Variants in SLC6A11 observed in about 807,000 individuals in gnomAD.
SLC6A11 encodes the protein solute carrier family 6 member 11.
Under a neutral mutation model 74.8 loss-of-function variants are expected in SLC6A11, and 25 were observed. That is an observed-to-expected ratio of 0.33 (90% CI 0.24 to 0.47). The LOEUF is 0.47. Ranked by LOEUF, SLC6A11 falls within the 20% of genes least tolerant of loss-of-function variation. SLC6A11 has a pLI of 1.00. For missense variants in SLC6A11, 574 were observed against 837.0 expected (o/e 0.69, Z 3.88); for synonymous variants, 330 against 330.2 (o/e 1.00, Z 0.01).
At chr3:10,927,772 G>A (rs965499813) in intron 9 of SLC6A11, among the ~76,000 whole-genome samples, 6 of 152,220 alleles carry the variant, frequency 3.9e-5, no homozygotes, top group Non-Finnish European at 7.3e-5. Context: ...GCCTCTCTGT[G>A]CCTCATTCCC....
At chr3:10,902,977 G>A (rs1390719086) in intron 6 of SLC6A11, among the ~76,000 whole-genome samples, 1 of 150,816 alleles carries the variant, frequency 6.6e-6, no homozygotes, top group Non-Finnish European at 1.5e-5. Context: ...TGGACGAGGT[G>A]AGTTTAATAC....
intron 11 of SLC6A11, 53 bp from the exon 12 acceptor site, chr3:10,934,013 T>C (rs1028080031): frequency 9.1e-6 from 11 of 1,202,862 alleles, no homozygotes; most frequent in African/African-American, 9.0e-5. Flanking sequence ...CTCTGACTCA[T>C]GTACAAAACT....
intron 5 of SLC6A11, among the ~76,000 whole-genome samples, chr3:10,848,182 C>T (rs1022192823): frequency 6.6e-6 from 1 of 152,228 alleles, no homozygotes; most frequent in Non-Finnish European, 1.5e-5. Flanking sequence ...TTCACCTGTT[C>T]AGGGAGGCAG....
At chr3:10,841,718 C>T (rs73035900) in intron 4 of SLC6A11, among the ~76,000 whole-genome samples, 15,700 of 152,244 alleles carry the variant, frequency 0.1, 1,301 homozygotes, top group African/African-American at 0.22. Flanking sequence ...CGGGCCTGTC[C>T]CGCTTTCTCC....
rs1695812195 is a variant in SLC6A11 at position 10,940,506 on chromosome 3, G to A, written c.*2104G>A. The stretch of plus-strand genomic sequence containing the variant: ...GTATTTGGGTAACTTTGGGGGTGGG[G>A]AGGGCAATGTGGGGGCAGGGGAACA... On this transcript the variant is annotated 3_prime_UTR_variant, in exon 14 of 14. Transcript: ENST00000254488. 1 of 151,754 alleles carries A rather than the reference G, an allele frequency of 6.6e-6. No individual in the cohort carries two copies. Among genetic ancestry groups the A allele is most frequent in the South Asian group, 2.1e-4 (1 of 4,810 alleles). 9.4% of individuals were successfully genotyped at this position (151,754 alleles called of 1,614,324 possible). A position where few individuals can be genotyped will look rare whatever the true frequency, so the allele number is the denominator to read the frequency against.
chr3:10,878,403 C>T (rs1694936375), intron 6 of SLC6A11, among the ~76,000 whole-genome samples: 1 of 144,002 alleles, frequency 6.9e-6, no homozygotes, highest in South Asian at 2.2e-4. Context: ...ATCCACTCAT[C>T]CTTTTTTTTT....
chr3:10,848,416 C>G (rs1268190905), intron 5 of SLC6A11, among the ~76,000 whole-genome samples: 1 of 152,224 alleles, frequency 6.6e-6, no homozygotes, highest in Non-Finnish European at 1.5e-5. Flanking sequence ...TTGGGCACCT[C>G]CCAGTATGCC....
At chr3:10,871,773 A>G (rs1694830902) in intron 5 of SLC6A11, among the ~76,000 whole-genome samples, 1 of 148,726 alleles carries the variant, frequency 6.7e-6, no homozygotes, top group South Asian at 2.1e-4. Context: ...ATTACATTGC[A>G]TATGATAGCA....
At chr3:10,887,432 A>G (rs1695057786) in intron 6 of SLC6A11, among the ~76,000 whole-genome samples, 1 of 152,120 alleles carries the variant, frequency 6.6e-6, no homozygotes, top group Admixed American at 6.6e-5. Flanking sequence ...AGACTTTATG[A>G]AACACACAGT....
Position 10,849,794 on chromosome 3 carries a change from CAAAAAAAAAAAAAAA to C in SLC6A11, c.756+5462_756+5476del, listed in dbSNP as rs56099322. Among the ~76,000 whole-genome samples the C allele has an allele frequency of 6.3e-4, 55 of 87,272 alleles. 1 individual carries two copies. The highest frequency in any genetic ancestry group is 1.4e-3 in the African/African-American group (36 of 25,542). The allele number at this position is 87,272 out of a possible 152,430, so 57.3% of individuals were successfully genotyped here. A position where few individuals can be genotyped will look rare whatever the true frequency, so the allele number is the denominator to read the frequency against. On this transcript the variant is annotated intron_variant, in intron 5 of 13. Transcript: ENST00000254488. ...TATCTCTGTGCATACTTGTTGAAGC[CAAAAAAAAAAAAAAA>C]AAAAAAAAAAAAACGAAAAAAAACC...
intron 5 of SLC6A11, among the ~76,000 whole-genome samples, chr3:10,852,021 T>C (rs1291917096): frequency 2.0e-5 from 3 of 152,258 alleles, no homozygotes; most frequent in East Asian, 3.9e-4. Context: ...AATGGCTCAA[T>C]GAGGCATAAA....
chr3:10,842,080 G>A (rs1372315501), intron 4 of SLC6A11, among the ~76,000 whole-genome samples: 2 of 152,182 alleles, frequency 1.3e-5, no homozygotes, highest in Non-Finnish European at 2.9e-5. Context: ...TCTTAATCTG[G>A]GCAAAGGAGA....
At chr3:10,861,280 C>T (rs956077953) in intron 5 of SLC6A11, among the ~76,000 whole-genome samples, 4 of 152,144 alleles carry the variant, frequency 2.6e-5, no homozygotes, top group Admixed American at 6.5e-5. Flanking sequence ...TTTTGGGAGG[C>T]CAAGGTGGGA....
At chr3:10,898,607 C>G (rs1302127574) in intron 6 of SLC6A11, among the ~76,000 whole-genome samples, 2 of 152,258 alleles carry the variant, frequency 1.3e-5, no homozygotes, top group Non-Finnish European at 2.9e-5. Context: ...TCATCTCCAT[C>G]TGAGACCACC....
At position 10,910,756 on chromosome 3, in the gene SLC6A11, C is replaced by A. The variant is rs1695375197; in HGVS notation, c.892-1334C>A. On this transcript the variant is annotated intron_variant, in intron 6 of 13. Coordinates refer to ENST00000254488, the MANE Select transcript of SLC6A11 (RefSeq NM_014229.3). ...GGGCACATTACTCAACCTCTCTGTTCCTCAGTCTCCTCAGCTGTAAGAGGG... is the reference window on the plus strand; with the variant it reads ...GGGCACATTACTCAACCTCTCTGTTACTCAGTCTCCTCAGCTGTAAGAGGG... Among the ~76,000 whole-genome samples, 3 of 151,994 alleles carry A rather than the reference C, an allele frequency of 2.0e-5. No individual in the cohort carries two copies. In the South Asian group the frequency reaches 6.2e-4, roughly 32 times the overall value.
Position 10,934,174 on chromosome 3 carries a change from C to T in SLC6A11, c.1575+8C>T. On this transcript the variant is annotated splice_region_variant and intron_variant, in intron 12 of 13. Transcript: ENST00000254488. ...ACCCCTGGGATCTGCGCGGTAAGGG[C>T]CCCACCAGGAGCCACCTCCAGCCAT... 1 of 1,594,440 alleles carries T rather than the reference C, an allele frequency of 6.3e-7. No homozygotes were observed. Among genetic ancestry groups the T allele is most frequent in the Non-Finnish European group, 8.6e-7 (1 of 1,162,256 alleles).
chr3:10,876,923 GT>G (rs1297004595), intron 6 of SLC6A11, among the ~76,000 whole-genome samples: 7 of 152,136 alleles, frequency 4.6e-5, no homozygotes, highest in African/African-American at 1.7e-4. Context: ...TGGGACTTGG[GT>G]TCTCCTGGTT....
intron 6 of SLC6A11, among the ~76,000 whole-genome samples, chr3:10,910,075 GC>G (rs1460522012): frequency 6.6e-6 from 1 of 152,082 alleles, no homozygotes; most frequent in Non-Finnish European, 1.5e-5. Flanking sequence ...GGCATTACCT[GC>G]CTCTCCCTGC....
chr3:10,892,722 A>G (rs968302205), intron 6 of SLC6A11, among the ~76,000 whole-genome samples: 2 of 152,130 alleles, frequency 1.3e-5, no homozygotes, highest in Admixed American at 6.5e-5. Flanking sequence ...AGTCTTTAAA[A>G]TGTCCTTTGG....
Sources: allele counts gnomAD v4.1 joint callset (sites outside exome capture counted in the v4.1 genomes callset), GRCh38; gene constraint gnomAD v4.1.1; transcripts MANE v1.5; gene names NCBI Gene and HGNC (gene_info 2026-07-23, HGNC 2026-07-21).